RANBP2: variants seen among roughly 807,000 people sequenced by gnomAD.
The protein encoded by RANBP2 is RAN binding protein 2.
RANBP2 carries 57 observed loss-of-function variants against 303.6 expected under a neutral mutation model. The observed-to-expected ratio is 0.19, with a 90% CI of 0.15 to 0.23. The LOEUF (loss-of-function observed/expected upper bound fraction) is 0.23. Ranked by LOEUF, RANBP2 falls within the 10% of genes least tolerant of loss-of-function variation. The probability of loss-of-function intolerance (pLI) is 1.00; values close to 1 mark genes in which losing one functional copy is unlikely to be tolerated. For synonymous variants in RANBP2, 1,167 were observed against 1,301.5 expected (o/e 0.90, Z 2.23); for missense variants, 3,138 against 3,780.8 (o/e 0.83, Z 4.46).
chr2:109,222,900 A>C, the RANBP2 span, among the ~76,000 whole-genome samples: 1 of 152,208 alleles, frequency 6.6e-6, no homozygotes, highest in East Asian at 1.9e-4. Flanking sequence ...TGTATCCCAC[A>C]TGGGGACTCA....
the RANBP2 span, among the ~76,000 whole-genome samples, chr2:109,018,670 C>T: frequency 1.3e-5 from 2 of 152,204 alleles, no homozygotes; most frequent in Non-Finnish European, 2.9e-5. Context: ...ACGTCCTTTC[C>T]CTGTGTCTGG....
the RANBP2 span, among the ~76,000 whole-genome samples, chr2:109,621,904 C>T: frequency 9.0e-6 from 1 of 111,462 alleles, no homozygotes; most frequent in East Asian, 2.1e-4. Context: ...CAGAGTGAGA[C>T]TCCATCTCAA....
At chr2:108,952,026 T>A in the RANBP2 span, among the ~76,000 whole-genome samples, 1 of 152,198 alleles carries the variant, frequency 6.6e-6, no homozygotes, top group Non-Finnish European at 1.5e-5. Flanking sequence ...AGCAAAAGCA[T>A]GTTTTATTTT....
chr2:108,889,265 A>G, the RANBP2 span, among the ~76,000 whole-genome samples: 2 of 152,146 alleles, frequency 1.3e-5, no homozygotes, highest in Non-Finnish European at 1.5e-5. Flanking sequence ...AAGAATGTAT[A>G]TTCTGTAGTC....
At chr2:109,568,103 A>G in the RANBP2 span, 3 of 673,982 alleles carry the variant, frequency 4.5e-6, no homozygotes, top group South Asian at 6.1e-5. Context: ...GGGGCTGGCA[A>G]ACTACGGTCC....
At chr2:109,673,816 T>C in the RANBP2 span, among the ~76,000 whole-genome samples, 1 of 152,220 alleles carries the variant, frequency 6.6e-6, no homozygotes, top group African/African-American at 2.4e-5. Flanking sequence ...CCATTTACCC[T>C]GTTATCAACA....
the RANBP2 span, among the ~76,000 whole-genome samples, chr2:109,524,695 A>C: frequency 2.7e-4 from 41 of 152,148 alleles, no homozygotes; most frequent in East Asian, 7.7e-3. Context: ...CAGTGAGCTG[A>C]GATCGCGCCA....
the RANBP2 span, among the ~76,000 whole-genome samples, chr2:109,097,082 G>A: frequency 6.6e-6 from 1 of 152,082 alleles, no homozygotes; most frequent in Admixed American, 6.6e-5. Context: ...GAGGTGGGCG[G>A]ATCATGAGGT....
At chr2:109,075,579 CAAAAA>C in the RANBP2 span, among the ~76,000 whole-genome samples, 9 of 109,692 alleles carry the variant, frequency 8.2e-5, no homozygotes, top group African/African-American at 2.7e-4. Context: ...CTTAGACAAA[CAAAAA>C]AAAAAAAAAA....
chr2:108,965,581 TCTC>T, the RANBP2 span, among the ~76,000 whole-genome samples: 1 of 152,170 alleles, frequency 6.6e-6, no homozygotes, highest in East Asian at 1.9e-4. Flanking sequence ...ATCAGGATTT[TCTC>T]CTCCTGGGCT....
chr2:108,935,038 G>T, the RANBP2 span, among the ~76,000 whole-genome samples: 1 of 152,264 alleles, frequency 6.6e-6, no homozygotes, highest in Non-Finnish European at 1.5e-5. Flanking sequence ...GTCACCTGTT[G>T]GTTACCTAGT....
chr2:109,592,862 T>C, the RANBP2 span, among the ~76,000 whole-genome samples: 2 of 152,010 alleles, frequency 1.3e-5, no homozygotes, highest in East Asian at 1.9e-4. Flanking sequence ...ATTAAGAATA[T>C]TGTGGATACT....
chr2:109,297,761 G>C, the RANBP2 span, among the ~76,000 whole-genome samples: 1 of 150,628 alleles, frequency 6.6e-6, no homozygotes, highest in Non-Finnish European at 1.5e-5. Context: ...TATCCAGTCA[G>C]TGCCTCCCAC....
the RANBP2 span, among the ~76,000 whole-genome samples, chr2:109,249,482 T>C: frequency 1.0e-4 from 2 of 19,872 alleles, no homozygotes; most frequent in Non-Finnish European, 1.5e-4. Flanking sequence ...TCTTTCTTTC[T>C]TTCTTTCTTT....
chr2:109,129,550 G>A, the RANBP2 span: 23 of 1,495,548 alleles, frequency 1.5e-5, no homozygotes, highest in Middle Eastern at 2.2e-4. Flanking sequence ...CATGCTGCTC[G>A]GAGCGTCCTG....
At chr2:109,737,854 T>C in the RANBP2 span, among the ~76,000 whole-genome samples, 1 of 152,214 alleles carries the variant, frequency 6.6e-6, no homozygotes, top group Non-Finnish European at 1.5e-5. Flanking sequence ...TTTCTTATAC[T>C]TGTTGGCCAT....
the RANBP2 span, among the ~76,000 whole-genome samples, chr2:109,162,082 TCTG>T: frequency 6.6e-6 from 1 of 152,190 alleles, no homozygotes; most frequent in Non-Finnish European, 1.5e-5. Context: ...ATTTGGGAAT[TCTG>T]CTGGCTGGCA....
the RANBP2 span, among the ~76,000 whole-genome samples, chr2:109,238,806 G>A: frequency 3.9e-5 from 6 of 152,074 alleles, no homozygotes; most frequent in South Asian, 2.1e-4. Context: ...GATGAAACCC[G>A]GCGAGGTGTG....
At chr2:108,875,410 A>G in the RANBP2 span, among the ~76,000 whole-genome samples, 2 of 152,068 alleles carry the variant, frequency 1.3e-5, no homozygotes, top group Non-Finnish European at 2.9e-5. Context: ...CAAGTATTCT[A>G]TAGCCAAGTC....
Sources: allele counts gnomAD v4.1 joint callset (sites outside exome capture counted in the v4.1 genomes callset), GRCh38; gene constraint gnomAD v4.1.1; transcripts MANE v1.5; gene names NCBI Gene and HGNC (gene_info 2026-07-23, HGNC 2026-07-21).